Variants in ZNG1F observed in about 807,000 individuals in gnomAD.
ZNG1F encodes the protein zinc-regulated GTPase metalloprotein activator 1F.
the ZNG1F span, among the ~76,000 whole-genome samples, chr9:41,173,889 G>C: frequency 4.0e-5 from 6 of 148,608 alleles, no homozygotes; most frequent in Non-Finnish European, 8.9e-5. Context: ...GTTATAATAT[G>C]AATGAACAAC....
chr9:41,134,266 T>TA, the ZNG1F span, among the ~76,000 whole-genome samples: 160 of 132,564 alleles, frequency 1.2e-3, 2 homozygotes, highest in African/African-American at 3.1e-3. Flanking sequence ...TTTGTTCTCT[T>TA]AAAAAAAAAA....
At chr9:41,203,105 T>G in the ZNG1F span, among the ~76,000 whole-genome samples, 1 of 152,260 alleles carries the variant, frequency 6.6e-6, no homozygotes, top group East Asian at 1.9e-4. Context: ...AAGTTGATGT[T>G]GCATCCTTCT....
the ZNG1F span, among the ~76,000 whole-genome samples, chr9:41,154,400 A>G: frequency 1.0e-3 from 148 of 144,272 alleles, 2 homozygotes; most frequent in African/African-American, 3.7e-3. Flanking sequence ...GGGTAAGAAG[A>G]ATCAATATCC....
the ZNG1F span, chr9:41,157,181 G>C: frequency 6.8e-6 from 1 of 146,190 alleles, no homozygotes; most frequent in East Asian, 2.0e-4. Flanking sequence ...CAGAGGACAG[G>C]CTGGGCGCGG....
chr9:41,174,458 A>T, the ZNG1F span: 1 of 1,261,178 alleles, frequency 7.9e-7, no homozygotes, highest in African/African-American at 1.5e-5. Context: ...GTAAACACAT[A>T]TATCTTCTTA....
chr9:41,180,660 ATGTG>A, the ZNG1F span, among the ~76,000 whole-genome samples: 637 of 90,518 alleles, frequency 7.0e-3, no homozygotes, highest in African/African-American at 0.023. Flanking sequence ...GTGTGTATGA[ATGTG>A]TGTGTGTGTG....
the ZNG1F span, chr9:41,166,671 C>T: frequency 1.6e-4 from 7 of 44,156 alleles, no homozygotes; most frequent in African/African-American, 6.0e-4. Context: ...AAAAAGAAAA[C>T]AAATTTTCCT....
the ZNG1F span, among the ~76,000 whole-genome samples, chr9:41,150,277 C>T: frequency 6.7e-6 from 1 of 150,146 alleles, no homozygotes; most frequent in African/African-American, 2.5e-5. Context: ...GCTTAAAAAA[C>T]CGCGCACCAG....
chr9:41,187,213 G>A, the ZNG1F span, among the ~76,000 whole-genome samples: 1 of 140,318 alleles, frequency 7.1e-6, no homozygotes, highest in Non-Finnish European at 1.6e-5. Context: ...TGGTGAAAAA[G>A]TGAACAAGAT....
the ZNG1F span, chr9:41,145,469 T>A: frequency 2.0e-6 from 1 of 498,262 alleles, no homozygotes; most frequent in Non-Finnish European, 3.5e-6. Flanking sequence ...ATTTTACAAG[T>A]TGTTCGCAAA....
the ZNG1F span, among the ~76,000 whole-genome samples, chr9:41,155,069 C>A: frequency 6.6e-6 from 1 of 150,544 alleles, no homozygotes; most frequent in African/African-American, 2.4e-5. Flanking sequence ...GAACAGGCAA[C>A]CTACAAAATG....
At chr9:41,196,169 T>A in the ZNG1F span, 10 of 54,102 alleles carry the variant, frequency 1.8e-4, no homozygotes, top group African/African-American at 4.8e-4. Context: ...TTTCTCACAG[T>A]TCTAGAGGCT....
chr9:41,201,395 C>A, the ZNG1F span, among the ~76,000 whole-genome samples: 6 of 139,326 alleles, frequency 4.3e-5, no homozygotes, highest in Admixed American at 3.1e-4. Context: ...GGAAGAGGAG[C>A]AATGTTACCT....
the ZNG1F span, among the ~76,000 whole-genome samples, chr9:41,155,166 C>A: frequency 3.3e-5 from 5 of 151,504 alleles, no homozygotes; most frequent in Non-Finnish European, 7.4e-5. Context: ...AAGAAAAAAG[C>A]AAACAACCCC....
At chr9:41,199,729 G>A in the ZNG1F span, among the ~76,000 whole-genome samples, 3 of 152,002 alleles carry the variant, frequency 2.0e-5, no homozygotes, top group African/African-American at 7.2e-5. Context: ...TTCTCCATGA[G>A]GGACCCACCC....
chr9:41,204,913 T>C, the ZNG1F span, among the ~76,000 whole-genome samples: 10 of 150,330 alleles, frequency 6.7e-5, no homozygotes, highest in African/African-American at 2.4e-4. Context: ...GTTTTTATTG[T>C]AGTTTTGGTT....
At chr9:41,165,100 A>T in the ZNG1F span, 3 of 1,568,994 alleles carry the variant, frequency 1.9e-6, no homozygotes, top group Admixed American at 5.3e-5. Flanking sequence ...AAAATAGCAA[A>T]CAAAAAGAAA....
At chr9:41,174,430 C>G in the ZNG1F span, 1 of 1,576,924 alleles carries the variant, frequency 6.3e-7, no homozygotes, top group Non-Finnish European at 8.6e-7. Flanking sequence ...TTTTAATTTG[C>G]CCTGATAAAA....
chr9:41,184,198 G>A, the ZNG1F span, among the ~76,000 whole-genome samples: 2,451 of 149,546 alleles, frequency 0.016, 72 homozygotes, highest in South Asian at 0.051. Flanking sequence ...AAATTTATAG[G>A]GAGGCCAAGG....
Sources: allele counts gnomAD v4.1 joint callset (sites outside exome capture counted in the v4.1 genomes callset), GRCh38; gene constraint gnomAD v4.1.1; transcripts MANE v1.5; gene names NCBI Gene and HGNC (gene_info 2026-07-23, HGNC 2026-07-21).